NTN5: variants seen among roughly 807,000 people sequenced by gnomAD.
NTN5 encodes the protein netrin-5.
In NTN5, 42 loss-of-function variants were observed where a neutral mutation model predicts 38.7. The ratio of observed to expected loss-of-function variants is 1.08; its 90% CI spans 0.85 to 1.40. The LOEUF (loss-of-function observed/expected upper bound fraction) is 1.40, where lower values mean the gene tolerates loss of function less well. NTN5 is among the 40% of genes most tolerant of loss of function. The pLI is 0.00. For synonymous variants in NTN5, 329 were observed against 303.9 expected (o/e 1.08, Z -0.86); for missense variants, 658 against 716.5 (o/e 0.92, Z 0.93).
At position 48,661,435 on chromosome 19, in the gene NTN5, G is replaced by A. The variant is rs757612285; in HGVS notation, c.*242C>T. The A allele has an allele frequency of 2.5e-6, 1 of 399,864 alleles. No individual in the cohort carries two copies. Among genetic ancestry groups the A allele is most frequent in the Non-Finnish European group, 4.4e-6 (1 of 228,574 alleles). 24.8% of individuals were successfully genotyped at this position (399,864 alleles called of 1,614,324 possible). ...CCAAAGATTTGAGACTTTATTGGGG[G>A]AAACAGATCACTGGCGGGGAATAAG... On this transcript the variant is annotated 3_prime_UTR_variant, in exon 7 of 7. Coordinates refer to ENST00000270235, the MANE Select transcript of NTN5 (RefSeq NM_145807.4).
chr19:48,665,111 A>T (rs1435133767), intron 2 of NTN5, among the ~76,000 whole-genome samples: 1 of 147,868 alleles, frequency 6.8e-6, no homozygotes, highest in Non-Finnish European at 1.5e-5. Flanking sequence ...TTTAGTAGAG[A>T]CGGGGTTTCA....
At chr19:48,668,138 T>TC (rs1471411997) in intron 2 of NTN5, among the ~76,000 whole-genome samples, 1 of 151,996 alleles carries the variant, frequency 6.6e-6, no homozygotes, top group East Asian at 1.9e-4. Flanking sequence ...CATGGGACAT[T>TC]CCTGGGGGGC....
chr19:48,668,119 A>G (rs1188073354), intron 2 of NTN5, among the ~76,000 whole-genome samples: 1 of 152,058 alleles, frequency 6.6e-6, no homozygotes, highest in East Asian at 1.9e-4. Context: ...TGTGGGAAAG[A>G]GGGCATCGCA....
Position 48,668,744 on chromosome 19 carries a change from TC to T in NTN5, c.631+1611del, listed in dbSNP as rs535161279. ...CATCTGTAAAATGGGCCTGATGACA[TC>T]CCTGCCTGGCACACGTAGGTGACTG... On this transcript the variant is annotated intron_variant, in intron 2 of 6. Coordinates refer to ENST00000270235, the MANE Select transcript of NTN5 (RefSeq NM_145807.4). 7.6e-4 allele frequency among the ~76,000 whole-genome samples: 116 copies of T among 152,226 alleles called. 1 individual carries two copies. Among genetic ancestry groups the T allele is most frequent in the Non-Finnish European group, 2.8e-4 (19 of 68,002 alleles).
At chr19:48,664,837 C>T in intron 2 of NTN5, 70 bp from the exon 3 acceptor site, 3 of 1,353,130 alleles carry the variant, frequency 2.2e-6, no homozygotes, top group Admixed American at 3.0e-5. Flanking sequence ...GCTTTCTTCC[C>T]ATGGCCCTGC....
intron 1 of NTN5, among the ~76,000 whole-genome samples, chr19:48,671,554 A>T (rs1378769281): frequency 6.6e-6 from 1 of 151,562 alleles, no homozygotes; most frequent in East Asian, 2.0e-4. Context: ...GGCCACAGGG[A>T]GCTGGGAGAC....
Position 48,662,052 on chromosome 19 carries a change from GGGA to G in NTN5, c.1106-14_1106-12del, listed in dbSNP as rs891565324. 70 of 1,455,540 alleles carry G rather than the reference GGGA, an allele frequency of 4.8e-5. No homozygotes were observed. Among genetic ancestry groups the G allele is most frequent in the Admixed American group, 2.7e-4 (10 of 37,224 alleles). 90.2% of individuals were successfully genotyped at this position (1,455,540 alleles called of 1,614,324 possible). A position where few individuals can be genotyped will look rare whatever the true frequency, so the allele number is the denominator to read the frequency against. Reference sequence around the variant, plus strand: ...CCTGCGCGCGGAGAACTGTGGGGAGGGGAGATGTCAGCCCAGGTCGTGGGGAGC... The same window carrying G: ...CCTGCGCGCGGAGAACTGTGGGGAGGGATGTCAGCCCAGGTCGTGGGGAGC... On this transcript the variant is annotated splice_polypyrimidine_tract_variant and intron_variant, in intron 6 of 6. Coordinates refer to ENST00000270235, the MANE Select transcript of NTN5 (RefSeq NM_145807.4).
Position 48,670,314 on chromosome 19 carries a change from C to G in NTN5, c.631+42G>C, listed in dbSNP as rs1166182661. ...CCCGTAGGGACAAAGGACCCAGTGG[C>G]AGGCAGGCAAAGGCAGGGAGAGTGA... On this transcript the variant is annotated intron_variant, in intron 2 of 6. Coordinates refer to ENST00000270235, the MANE Select transcript of NTN5 (RefSeq NM_145807.4). 4 of 1,381,274 alleles carry G rather than the reference C, an allele frequency of 2.9e-6. No individual in the cohort carries two copies. In the African/African-American group the frequency reaches 6.2e-5, roughly 21 times the overall value. The allele number at this position is 1,381,274 out of a possible 1,614,324, so 85.6% of individuals were successfully genotyped here. A position where few individuals can be genotyped will look rare whatever the true frequency, so the allele number is the denominator to read the frequency against.
intron 2 of NTN5, among the ~76,000 whole-genome samples, chr19:48,666,428 C>G (rs1170527202): frequency 6.6e-6 from 1 of 151,978 alleles, no homozygotes; most frequent in African/African-American, 2.4e-5. Flanking sequence ...CCCAGCTACT[C>G]TAGAGGCTGA....
chr19:48,663,046 AG>A (rs1431008984), intron 6 of NTN5: 1 of 372,344 alleles, frequency 2.7e-6, no homozygotes, highest in African/African-American at 2.1e-5. Context: ...ACTGGGGATT[AG>A]GGAACCGTGG....
intron 1 of NTN5, among the ~76,000 whole-genome samples, chr19:48,672,538 C>T (rs549264719): frequency 6.6e-6 from 1 of 152,332 alleles, no homozygotes; most frequent in South Asian, 2.1e-4. Context: ...AGGCCTCGCC[C>T]TCCGCCCTCC....
intron 2 of NTN5, among the ~76,000 whole-genome samples, 164 bp downstream of exon 2, chr19:48,670,192 G>A (rs371339164): frequency 6.6e-6 from 1 of 152,176 alleles, no homozygotes; most frequent in Non-Finnish European, 1.5e-5. Flanking sequence ...TGAGATACAG[G>A]ACTGGCTGCA....
At chr19:48,672,137 A>G (rs2031978498) in intron 1 of NTN5, among the ~76,000 whole-genome samples, 2 of 152,114 alleles carry the variant, frequency 1.3e-5, no homozygotes, top group African/African-American at 2.4e-5. Context: ...AGATGGGGGA[A>G]CAGATGTTGG....
chr19:48,662,106 G>T, intron 6 of NTN5, 65 bp from the exon 7 acceptor site: 1 of 1,346,898 alleles, frequency 7.4e-7, no homozygotes, highest in Non-Finnish European at 9.5e-7. Context: ...GGGTCCCGTG[G>T]GGTCAGTCAC....
At chr19:48,672,903 G>A (rs747518790) in intron 1 of NTN5, 29 bp downstream of exon 1, 5 of 214,236 alleles carry the variant, frequency 2.3e-5, no homozygotes, top group South Asian at 1.0e-4. Context: ...CCCCCAACCC[G>A]AGCCCTGAGG....
In NTN5 at chr19:48,661,570, C is replaced by T. The variant is rs1218490201; in HGVS notation, c.*107G>A. On this transcript the variant is annotated 3_prime_UTR_variant, in exon 7 of 7. Transcript: ENST00000270235. The stretch of plus-strand genomic sequence containing the variant: ...GCGCAAGCATAGTGTCGTCGGGGCT[C>T]TGCGACGTCTGATTGGCTCTCTGCA... 2.4e-6 allele frequency: 3 copies of T among 1,276,300 alleles called. No individual in the cohort carries two copies. The African/African-American group carries it at 4.7e-5, about 20-fold the overall frequency. 79.1% of individuals were successfully genotyped at this position (1,276,300 alleles called of 1,614,324 possible). A position where few individuals can be genotyped will look rare whatever the true frequency, so the allele number is the denominator to read the frequency against.
Position 48,670,774 on chromosome 19 carries a change from G to T in NTN5, c.213C>A (p.Gly71=), listed in dbSNP as rs199836809. 3.1e-6 allele frequency: 5 copies of T among 1,613,056 alleles called. No homozygotes were observed. Among genetic ancestry groups the T allele is most frequent in the Non-Finnish European group, 4.2e-6 (5 of 1,179,924 alleles). ...AGCTGACAGATGTCAGGAGGAAGGG[G>T]CCACCCAGGGCCAAAGTCAGGCTGC... The part of the protein sequence containing the change: ...CNGSLTLALG[G]PFLLTSVSLR... Residue 71 remains glycine, a synonymous_variant, in exon 2 of 7, where the codon GGC becomes GGA. Coordinates refer to ENST00000270235, the MANE Select transcript of NTN5 (RefSeq NM_145807.4).
In NTN5 at chr19:48,664,193, C is replaced by T. The variant is rs755893861; in HGVS notation, c.920G>A (p.Arg307His). 67 of 1,609,878 alleles carry T rather than the reference C, an allele frequency of 4.2e-5. No homozygotes were observed. The highest frequency in any genetic ancestry group is 3.4e-5 in the Non-Finnish European group (40 of 1,178,210). ...GCTCTGCTGGTAGCCAGGGCCACAG[C>T]GGTTGCAGGTCAGGCCTGTGACCCC... ...KLGVTGLTCN[R>H]CGPGYQQSRS... The change falls in exon 4 of 7, where the codon CGC becomes CAC. Residue 307 changes from arginine to histidine, a missense_variant. Physicochemically the swap from Arg to His is conservative, Grantham distance 29. Transcript: ENST00000270235.
At position 48,670,832 on chromosome 19, in the gene NTN5, C is replaced by A. The variant is rs2122145751; in HGVS notation, c.155G>T (p.Gly52Val). The A allele has an allele frequency of 6.2e-7, 1 of 1,613,046 alleles. No individual in the cohort carries two copies. The highest frequency in any genetic ancestry group is 8.5e-7 in the Non-Finnish European group (1 of 1,179,960). The change falls in exon 2 of 7, where the codon GGA becomes GTA. Residue 52 changes from glycine to valine, a missense_variant. Gly to Val is a moderately radical substitution (Grantham distance 109). Transcript: ENST00000270235. ...GGTTTCCCTGGCGCCAAGGTGGTTT[C>A]CTGGGGACAGGGCACAGGCCTGAGG... ...SCPQACALSP[G>V]NHLGARETCN...
Sources: allele counts gnomAD v4.1 joint callset (sites outside exome capture counted in the v4.1 genomes callset), GRCh38; gene constraint gnomAD v4.1.1; transcripts MANE v1.5; gene names NCBI Gene and HGNC (gene_info 2026-07-23, HGNC 2026-07-21).